Variants in TRPC6 observed in about 807,000 individuals in gnomAD.
TRPC6 encodes transient receptor potential cation channel subfamily C member 6.
TRPC6 carries 55 observed loss-of-function variants against 90.7 expected under a neutral mutation model. The observed-to-expected ratio is 0.61, with a 90% confidence interval of 0.49 to 0.76. The LOEUF (loss-of-function observed/expected upper bound fraction) is 0.76. Among genes scored for constraint, TRPC6 ranks in the 30% least tolerant of loss-of-function variants. The pLI is 0.00. For missense variants in TRPC6, 989 were observed against 1,122.7 expected, an observed-to-expected ratio of 0.88 and a Z score of 1.70; for synonymous variants, 393 against 393.0, an observed-to-expected ratio of 1.00 and a Z score of 0.00.
intron 2 of TRPC6, among the ~76,000 whole-genome samples, chr11:101,503,471 C>G (rs1860178454): frequency 6.6e-6 from 1 of 152,158 alleles, no homozygotes; most frequent in African/African-American, 2.4e-5. Flanking sequence ...TTTCTCTGAA[C>G]TTCTACAGTA....
At chr11:101,474,971 C>T (rs999760928) in intron 6 of TRPC6, among the ~76,000 whole-genome samples, 7 of 152,126 alleles carry the variant, frequency 4.6e-5, no homozygotes, top group Admixed American at 1.3e-4. Flanking sequence ...CTCACTTGAT[C>T]GGGCACTTGC....
chr11:101,521,869 TCCCTTTGGCTGATTTCTC>T (rs1860669691), intron 1 of TRPC6, among the ~76,000 whole-genome samples: 1 of 152,194 alleles, frequency 6.6e-6, no homozygotes, highest in South Asian at 2.1e-4. Context: ...CTGTAACTCC[TCCCTTTGGCTGATTTCTC>T]CCCTTTGGAA....
intron 1 of TRPC6, among the ~76,000 whole-genome samples, chr11:101,548,811 A>G (rs1410730868): frequency 6.6e-6 from 1 of 152,066 alleles, no homozygotes. Flanking sequence ...TTTACAAAAT[A>G]CATATACTAT....
intron 1 of TRPC6, among the ~76,000 whole-genome samples, chr11:101,541,682 T>G (rs1172027111): frequency 6.6e-6 from 1 of 152,220 alleles, no homozygotes; most frequent in Non-Finnish European, 1.5e-5. Flanking sequence ...GGCCTACTTT[T>G]GCCAACTGCT....
intron 1 of TRPC6, among the ~76,000 whole-genome samples, chr11:101,553,318 A>ATTT (rs35718997): frequency 5.9e-5 from 9 of 151,282 alleles, no homozygotes; most frequent in East Asian, 3.9e-4. Flanking sequence ...TACCAGCCTT[A>ATTT]TTTTTTTTTA....
chr11:101,575,432 G>A (rs1407584952), intron 1 of TRPC6, among the ~76,000 whole-genome samples: 7 of 152,106 alleles, frequency 4.6e-5, no homozygotes, highest in Non-Finnish European at 2.9e-5. Flanking sequence ...TGTGCCAACT[G>A]CTAGCTGTGT....
intron 2 of TRPC6, among the ~76,000 whole-genome samples, chr11:101,501,445 G>A (rs1292427615): frequency 6.6e-6 from 1 of 151,978 alleles, no homozygotes; most frequent in East Asian, 1.9e-4. Context: ...AAGGGTAGAA[G>A]CAGCAAACTC....
Position 101,499,755 on chromosome 11 carries a change from T to TGTGTATATATATATACACAGTATAA in TRPC6, c.945+4268_945+4269insTTATACTGTGTATATATATATACAC, listed in dbSNP as rs1860056027. 3.7e-4 allele frequency among the ~76,000 whole-genome samples: 11 copies of TGTGTATATATATATACACAGTATAA among 29,706 alleles called. 5 individuals carry two copies. Among genetic ancestry groups the TGTGTATATATATATACACAGTATAA allele is most frequent in the South Asian group, 3.7e-3 (4 of 1,094 alleles). 19.5% of individuals were successfully genotyped at this position (29,706 alleles called of 152,430 possible). ...TGTGTATATATATATACACAATATA[T>TGTGTATATATATATACACAGTATAA]AATGTGTATATATATATATACACAG... On this transcript the variant is annotated intron_variant, in intron 2 of 12. Coordinates refer to ENST00000344327, the MANE Select transcript of TRPC6 (RefSeq NM_004621.6).
At chr11:101,581,867 T>C (rs1862204206) in intron 1 of TRPC6, among the ~76,000 whole-genome samples, 1 of 152,226 alleles carries the variant, frequency 6.6e-6, no homozygotes, top group Admixed American at 6.5e-5. Context: ...ATCTGCATTC[T>C]AACAAGATTT....
chr11:101,542,047 T>G (rs1192440234), intron 1 of TRPC6, among the ~76,000 whole-genome samples: 2 of 152,152 alleles, frequency 1.3e-5, no homozygotes, highest in African/African-American at 4.8e-5. Context: ...TGGCGCATTC[T>G]CTACTGGAAG....
intron 1 of TRPC6, among the ~76,000 whole-genome samples, chr11:101,569,962 A>G (rs894359910): frequency 2.8e-5 from 4 of 143,048 alleles, no homozygotes; most frequent in Non-Finnish European, 6.3e-5. Context: ...TAAAAGAACT[A>G]GAGAAACAAG....
chr11:101,491,434 A>G, intron 3 of TRPC6, 122 bp downstream of exon 3: 1 of 152,566 alleles, frequency 6.6e-6, no homozygotes, highest in South Asian at 1.3e-4. Context: ...ACTCCATCTC[A>G]AAAAAAAAAA....
At chr11:101,538,168 T>C (rs1861094332) in intron 1 of TRPC6, among the ~76,000 whole-genome samples, 1 of 152,182 alleles carries the variant, frequency 6.6e-6, no homozygotes, top group African/African-American at 2.4e-5. Flanking sequence ...GTGTGGATTT[T>C]TGTTCTTTAT....
chr11:101,490,578 C>T (rs1045851935), intron 3 of TRPC6, among the ~76,000 whole-genome samples: 7 of 151,954 alleles, frequency 4.6e-5, no homozygotes, highest in African/African-American at 1.7e-4. Context: ...ACTGCAGTCT[C>T]CCAAATAGCT....
intron 4 of TRPC6, among the ~76,000 whole-genome samples, chr11:101,485,512 G>A (rs1418286371): frequency 6.6e-6 from 1 of 151,658 alleles, no homozygotes; most frequent in Non-Finnish European, 1.5e-5. Flanking sequence ...GTGTATTAGA[G>A]CAAGTGAAAA....
At chr11:101,464,309 C>G (rs2136655980) in intron 10 of TRPC6, among the ~76,000 whole-genome samples, 1 of 152,262 alleles carries the variant, frequency 6.6e-6, no homozygotes, top group African/African-American at 2.4e-5. Flanking sequence ...TCTATTAGGT[C>G]TGCTTGGTGC....
intron 1 of TRPC6, among the ~76,000 whole-genome samples, chr11:101,539,013 G>A (rs2136815138): frequency 6.6e-6 from 1 of 152,262 alleles, no homozygotes; most frequent in South Asian, 2.1e-4. Context: ...AATCAGCCAG[G>A]CCCACCCAGA....
intron 1 of TRPC6, among the ~76,000 whole-genome samples, chr11:101,513,911 A>G (rs1591102017): frequency 6.7e-6 from 1 of 149,942 alleles, no homozygotes; most frequent in East Asian, 1.9e-4. Flanking sequence ...AGACTTTGAT[A>G]ATAGGTCTGG....
chr11:101,538,624 C>T (rs1187150427), intron 1 of TRPC6, among the ~76,000 whole-genome samples: 1 of 152,174 alleles, frequency 6.6e-6, no homozygotes, highest in Non-Finnish European at 1.5e-5. Flanking sequence ...CTGGATTATC[C>T]ATGTAAACTC....
Sources: allele counts gnomAD v4.1 joint callset (sites outside exome capture counted in the v4.1 genomes callset), GRCh38; gene constraint gnomAD v4.1.1; transcripts MANE v1.5; gene names NCBI Gene and HGNC (gene_info 2026-07-23, HGNC 2026-07-21).